PLCXD3: variants seen among roughly 807,000 people sequenced by gnomAD.
The protein encoded by PLCXD3 is phosphatidylinositol specific phospholipase C X domain containing 3, also known as PI-PLC X domain-containing protein 3.
A neutral mutation model predicts 25.5 loss-of-function variants in PLCXD3; 19 were observed. The ratio of observed to expected loss-of-function variants is 0.75; its 90% confidence interval spans 0.52 to 1.09. The LOEUF (loss-of-function observed/expected upper bound fraction) is 1.09, where lower values mean the gene tolerates loss of function less well. Ranked by LOEUF, PLCXD3 falls within the 50% of genes least tolerant of loss-of-function variation. The pLI is 0.00. For synonymous variants in PLCXD3, 174 were observed against 137.6 expected (o/e 1.26, Z -1.85); for missense variants, 411 against 388.1 (o/e 1.06, Z -0.50).
chr5:41,438,509 GC>G (rs929744632), intron 1 of PLCXD3, among the ~76,000 whole-genome samples: 1 of 152,172 alleles, frequency 6.6e-6, no homozygotes, highest in African/African-American at 2.4e-5. Flanking sequence ...GAGAGGAGAA[GC>G]CTGGCTTCTT....
chr5:41,498,130 T>A (rs1374648038), intron 1 of PLCXD3, among the ~76,000 whole-genome samples: 1 of 151,258 alleles, frequency 6.6e-6, no homozygotes, highest in Non-Finnish European at 1.5e-5. Flanking sequence ...CTCAAGGAAT[T>A]AGAAAAAGAA....
chr5:41,362,539 A>C (rs571674245), intron 2 of PLCXD3, among the ~76,000 whole-genome samples: 1 of 152,348 alleles, frequency 6.6e-6, no homozygotes, highest in African/African-American at 2.4e-5. Flanking sequence ...TATTAGTTCT[A>C]ATTCCAATCT....
chr5:41,327,614 C>T (rs1163959303), intron 2 of PLCXD3, among the ~76,000 whole-genome samples: 1 of 152,082 alleles, frequency 6.6e-6, no homozygotes, highest in African/African-American at 2.4e-5. Flanking sequence ...CCACAAGTAT[C>T]ATGAAGGAAA....
intron 1 of PLCXD3, among the ~76,000 whole-genome samples, chr5:41,437,262 A>G (rs1039456575): frequency 4.6e-5 from 7 of 152,364 alleles, no homozygotes; most frequent in Middle Eastern, 3.4e-3. Flanking sequence ...CTTCAGGCCC[A>G]CTGGAAAGGG....
intron 1 of PLCXD3, among the ~76,000 whole-genome samples, chr5:41,450,286 AGC>A (rs1747599524): frequency 6.6e-6 from 1 of 152,152 alleles, no homozygotes; most frequent in Admixed American, 6.5e-5. Flanking sequence ...TAACATTCAC[AGC>A]ATCTTAGACA....
At chr5:41,493,109 G>C (rs1269621087) in intron 1 of PLCXD3, among the ~76,000 whole-genome samples, 2 of 152,116 alleles carry the variant, frequency 1.3e-5, no homozygotes, top group African/African-American at 4.8e-5. Flanking sequence ...ATGGGTTTTT[G>C]GTGTGGATGT....
chr5:41,359,048 C>A (rs1417124559), intron 2 of PLCXD3, among the ~76,000 whole-genome samples: 2 of 152,088 alleles, frequency 1.3e-5, no homozygotes, highest in East Asian at 3.9e-4. Flanking sequence ...TAAACCATCC[C>A]TGCATCCTGG....
chr5:41,369,413 T>C (rs1745028088), intron 2 of PLCXD3, among the ~76,000 whole-genome samples: 1 of 152,150 alleles, frequency 6.6e-6, no homozygotes, highest in Admixed American at 6.6e-5. Flanking sequence ...ATTAAACTCT[T>C]GAAAATGAAC....
intron 1 of PLCXD3, among the ~76,000 whole-genome samples, chr5:41,446,188 A>AAAAAAAAAAAAAAAAAAAAAAAAAAG (rs1747496749): frequency 6.8e-6 from 1 of 147,894 alleles, no homozygotes; most frequent in Non-Finnish European, 1.5e-5. Context: ...AAAAAAAAAA[A>AAAAAAAAAAAAAAAAAAAAAAAAAAG]AAAAAAAAAA....
chr5:41,333,136 C>G (rs545027019), intron 2 of PLCXD3, among the ~76,000 whole-genome samples: 6 of 151,818 alleles, frequency 4.0e-5, no homozygotes, highest in South Asian at 2.1e-4. Context: ...AACAAACAAA[C>G]AAACAAACAA....
intron 2 of PLCXD3, among the ~76,000 whole-genome samples, chr5:41,326,497 C>A (rs1471150489): frequency 6.6e-6 from 1 of 152,190 alleles, no homozygotes; most frequent in African/African-American, 2.4e-5. Flanking sequence ...TCCTCAACCT[C>A]ATTTATTGCT....
At chr5:41,396,816 C>T (rs188087350) in intron 1 of PLCXD3, among the ~76,000 whole-genome samples, 28 of 152,266 alleles carry the variant, frequency 1.8e-4, no homozygotes, top group African/African-American at 5.3e-4. Flanking sequence ...AGCAAAGAGA[C>T]GACTGGAAGC....
rs1747756107 is a variant in PLCXD3 at position 41,456,498 on chromosome 5, A to G, written c.103+53926T>C. On this transcript the variant is annotated intron_variant, in intron 1 of 2. Coordinates refer to ENST00000377801, the MANE Select transcript of PLCXD3 (RefSeq NM_001005473.3). ...AGGATAAATGAAAAATAAAATATAC[A>G]TTTATGTTGAAAAAAAAAGAAAAAC... is the stretch of plus-strand genomic sequence containing the variant. 6 of 784,602 alleles carry G rather than the reference A, an allele frequency of 7.6e-6. No individual in the cohort carries two copies. The South Asian group carries it at 2.9e-4, about 38-fold the overall frequency. The allele number at this position is 784,602 out of a possible 1,614,324, so 48.6% of individuals were successfully genotyped here.
chr5:41,404,528 TAAG>T (rs1469314797), intron 1 of PLCXD3, among the ~76,000 whole-genome samples: 1 of 152,026 alleles, frequency 6.6e-6, no homozygotes, highest in Non-Finnish European at 1.5e-5. Flanking sequence ...TAGTAAAAAA[TAAG>T]AATATTTACT....
chr5:41,413,397 T>C (rs1746611971), intron 1 of PLCXD3, among the ~76,000 whole-genome samples: 1 of 152,192 alleles, frequency 6.6e-6, no homozygotes, highest in Non-Finnish European at 1.5e-5. Context: ...AAACATGCAT[T>C]GAACACCTGC....
chr5:41,385,288 C>A (rs937274075), intron 1 of PLCXD3, among the ~76,000 whole-genome samples: 13 of 152,000 alleles, frequency 8.6e-5, no homozygotes, highest in Non-Finnish European at 1.6e-4. Flanking sequence ...GGCTTCTGAC[C>A]TTTTATTCTT....
intron 1 of PLCXD3, among the ~76,000 whole-genome samples, chr5:41,437,798 A>C (rs1747290400): frequency 6.6e-6 from 1 of 152,160 alleles, no homozygotes; most frequent in Admixed American, 6.5e-5. Flanking sequence ...CACCTAATTA[A>C]GTTTTTCTAC....
chr5:41,323,471 G>A (rs1421909981), intron 2 of PLCXD3, among the ~76,000 whole-genome samples: 1 of 152,076 alleles, frequency 6.6e-6, no homozygotes, highest in African/African-American at 2.4e-5. Flanking sequence ...TACATCTAAT[G>A]TACCCATAAA....
chr5:41,369,364 A>T (rs1315114217), intron 2 of PLCXD3, among the ~76,000 whole-genome samples: 2 of 152,304 alleles, frequency 1.3e-5, no homozygotes, highest in East Asian at 3.9e-4. Context: ...CAATCTATTC[A>T]TTATAAGCTA....
Sources: gnomAD v4.1 joint callset for allele counts (sites outside exome capture counted in the v4.1 genomes callset) on GRCh38, gnomAD v4.1.1 for gene constraint, MANE v1.5 for transcripts, NCBI Gene and HGNC (gene_info 2026-07-23, HGNC 2026-07-21) for gene names.